The following ARHGAP26 variants were observed in gnomAD, a reference collection of about 807,000 sequenced individuals.
ARHGAP26 encodes the protein rho GTPase-activating protein 26.
Under a neutral mutation model 104.8 loss-of-function variants are expected in ARHGAP26, and 38 were observed. That is an observed-to-expected ratio of 0.36 (90% confidence interval 0.28 to 0.48). The LOEUF (loss-of-function observed/expected upper bound fraction) is 0.48. Among genes scored for constraint, ARHGAP26 ranks in the 20% least tolerant of loss-of-function variants. The probability of loss-of-function intolerance (pLI) is 0.99; values close to 1 mark genes in which losing one functional copy is unlikely to be tolerated. For synonymous variants in ARHGAP26, 341 were observed against 340.0 expected (o/e 1.00, Z -0.03); for missense variants, 704 against 947.9 (o/e 0.74, Z 3.38).
chr5:143,040,606 T>A (rs892747401), intron 13 of ARHGAP26, among the ~76,000 whole-genome samples: 12 of 152,344 alleles, frequency 7.9e-5, no homozygotes, highest in Middle Eastern at 3.4e-3. Flanking sequence ...TCAGATATTG[T>A]TAACTGCTAT....
chr5:142,949,202 A>AGGAGAGAG (rs1445451552), intron 11 of ARHGAP26, among the ~76,000 whole-genome samples: 547 of 21,338 alleles, frequency 0.026, 104 homozygotes, highest in East Asian at 0.17. Flanking sequence ...AGAGAGAGAG[A>AGGAGAGAG]GAGAGAGAGA....
At chr5:142,852,802 A>T (rs919269322) in intron 1 of ARHGAP26, among the ~76,000 whole-genome samples, 5 of 152,184 alleles carry the variant, frequency 3.3e-5, no homozygotes, top group African/African-American at 4.8e-5. Context: ...TTACGTTCTA[A>T]AAGACCAACA....
chr5:143,208,671 C>T (rs1030947347), intron 21 of ARHGAP26, among the ~76,000 whole-genome samples: 2 of 152,170 alleles, frequency 1.3e-5, no homozygotes, highest in African/African-American at 2.4e-5. Flanking sequence ...CCCCTCAGCT[C>T]AGCACTCTTT....
chr5:143,169,211 C>G (rs976594163), intron 20 of ARHGAP26, among the ~76,000 whole-genome samples: 1 of 152,250 alleles, frequency 6.6e-6, no homozygotes, highest in East Asian at 1.9e-4. Context: ...CATGTACAGA[C>G]AGTTCTATTC....
At chr5:143,050,638 G>T (rs2150219157) in intron 14 of ARHGAP26, among the ~76,000 whole-genome samples, 1 of 152,276 alleles carries the variant, frequency 6.6e-6, no homozygotes, top group South Asian at 2.1e-4. Flanking sequence ...AAGACCTAAA[G>T]GCTTACATAG....
intron 11 of ARHGAP26, among the ~76,000 whole-genome samples, chr5:142,932,449 A>G (rs956142245): frequency 6.6e-6 from 1 of 152,132 alleles, no homozygotes; most frequent in African/African-American, 2.4e-5. Flanking sequence ...CATTATCAGG[A>G]TGGATGGAGG....
intron 1 of ARHGAP26, among the ~76,000 whole-genome samples, chr5:142,839,895 G>A (rs1328127186): frequency 6.8e-6 from 1 of 148,032 alleles, no homozygotes; most frequent in Non-Finnish European, 1.5e-5. Flanking sequence ...AGAGAGAGAG[G>A]AGGGGAGGGG....
At chr5:143,062,208 G>C (rs1176238828) in intron 17 of ARHGAP26, among the ~76,000 whole-genome samples, 1 of 152,224 alleles carries the variant, frequency 6.6e-6, no homozygotes, top group African/African-American at 2.4e-5. Flanking sequence ...TCTGCAGTGT[G>C]GGCACATAGG....
intron 20 of ARHGAP26, among the ~76,000 whole-genome samples, chr5:143,150,991 C>G (rs1403115112): frequency 6.6e-6 from 1 of 152,258 alleles, no homozygotes; most frequent in African/African-American, 2.4e-5. Context: ...AAGCCACACA[C>G]TAGGAGAAAA....
rs1297434310 is a variant in ARHGAP26, at chr5:143,227,611, C to G, written c.*5165C>G. On this transcript the variant is annotated 3_prime_UTR_variant, in exon 23 of 23. Coordinates refer to ENST00000645722, the MANE Select transcript of ARHGAP26 (RefSeq NM_001135608.3). ...ACAAGTAATAATTAGCTTTTTTTCTCCTGCCGCCTACAGTACCTGTCTAAC... is the reference window on the plus strand; with the variant it reads ...ACAAGTAATAATTAGCTTTTTTTCTGCTGCCGCCTACAGTACCTGTCTAAC... 1 of 229,706 alleles carries G rather than the reference C, an allele frequency of 4.4e-6. No individual in the cohort carries two copies. Among genetic ancestry groups the G allele is most frequent in the Non-Finnish European group, 8.6e-6 (1 of 115,964 alleles). 14.2% of individuals were successfully genotyped at this position (229,706 alleles called of 1,614,324 possible).
intron 17 of ARHGAP26, among the ~76,000 whole-genome samples, chr5:143,062,922 G>A (rs925387431): frequency 2.6e-5 from 4 of 152,120 alleles, no homozygotes; most frequent in Admixed American, 6.5e-5. Context: ...TAAAATAGCC[G>A]TAGAATTTTA....
intron 10 of ARHGAP26, among the ~76,000 whole-genome samples, chr5:142,929,006 T>G (rs1764329483): frequency 6.6e-6 from 1 of 152,202 alleles, no homozygotes; most frequent in Non-Finnish European, 1.5e-5. Flanking sequence ...GGCATGATCT[T>G]GGCTCACTGC....
rs1193789821 is a variant in ARHGAP26 at position 142,957,764 on chromosome 5, G to T, written c.1107+25639G>T. On this transcript the variant is annotated intron_variant, in intron 11 of 22. Transcript: ENST00000645722. ...ACCCAGAGTTCAGCTTAAGTACAGA[G>T]AATTTAGCAGTTGAATGGCAAGGAA... Among the ~76,000 whole-genome samples the T allele has an allele frequency of 2.0e-5, 3 of 152,336 alleles. No homozygotes were observed. In the East Asian group the frequency reaches 5.8e-4, roughly 29 times the overall value.
chr5:143,154,470 G>A (rs528795316), intron 20 of ARHGAP26, among the ~76,000 whole-genome samples: 13 of 152,242 alleles, frequency 8.5e-5, no homozygotes, highest in African/African-American at 3.1e-4. Context: ...ATTTTGGAGG[G>A]CTCCCCCCAC....
intron 11 of ARHGAP26, among the ~76,000 whole-genome samples, chr5:142,987,476 A>G (rs1028218590): frequency 6.6e-5 from 10 of 152,200 alleles, no homozygotes; most frequent in Non-Finnish European, 1.3e-4. Flanking sequence ...TCCTAATTCA[A>G]TACCTTTTAT....
At chr5:142,829,300 C>T (rs866523096) in intron 1 of ARHGAP26, among the ~76,000 whole-genome samples, 4 of 152,160 alleles carry the variant, frequency 2.6e-5, no homozygotes, top group Non-Finnish European at 4.4e-5. Flanking sequence ...CCCCCTTTCT[C>T]GAAACCGTCT....
chr5:143,193,053 G>A (rs1229795088), intron 20 of ARHGAP26, among the ~76,000 whole-genome samples: 4 of 152,004 alleles, frequency 2.6e-5, no homozygotes, highest in Non-Finnish European at 5.9e-5. Flanking sequence ...CAAATAATTT[G>A]TAAGTTTTAA....
chr5:142,949,815 C>T (rs1768029921), intron 11 of ARHGAP26, among the ~76,000 whole-genome samples: 1 of 152,194 alleles, frequency 6.6e-6, no homozygotes, highest in African/African-American at 2.4e-5. Context: ...TCTGTGAACC[C>T]TCTGCAGTGA....
intron 19 of ARHGAP26, among the ~76,000 whole-genome samples, chr5:143,143,528 ACT>A (rs1358244825): frequency 1.3e-5 from 2 of 151,904 alleles, no homozygotes; most frequent in Non-Finnish European, 2.9e-5. Flanking sequence ...AAAAACAAAA[ACT>A]CTGCCCACTG....
Sources: gnomAD v4.1 joint callset for allele counts (sites outside exome capture counted in the v4.1 genomes callset) on GRCh38, gnomAD v4.1.1 for gene constraint, MANE v1.5 for transcripts, NCBI Gene and HGNC (gene_info 2026-07-23, HGNC 2026-07-21) for gene names.